Variants in RSPO2 observed in about 807,000 individuals in gnomAD.
RSPO2 encodes R-spondin-2.
A neutral mutation model predicts 30.9 loss-of-function variants in RSPO2; 14 were observed. That is an observed-to-expected ratio of 0.45 (90% CI 0.30 to 0.71). The LOEUF is 0.71. Ranked by LOEUF, RSPO2 falls within the 30% of genes least tolerant of loss-of-function variation. RSPO2 has a pLI of 0.08. For synonymous variants in RSPO2, 107 were observed against 96.4 expected, an observed-to-expected ratio of 1.11 and a Z score of -0.64; for missense variants, 264 against 301.9, an observed-to-expected ratio of 0.87 and a Z score of 0.93.
intron 2 of RSPO2, among the ~76,000 whole-genome samples, chr8:108,047,319 G>C (rs548194820): frequency 6.6e-6 from 1 of 152,294 alleles, no homozygotes; most frequent in East Asian, 1.9e-4. Flanking sequence ...ATATGTCAGA[G>C]GCCATGCCTA....
intron 5 of RSPO2, among the ~76,000 whole-genome samples, chr8:107,946,256 A>C (rs1813054685): frequency 6.6e-6 from 1 of 152,218 alleles, no homozygotes; most frequent in African/African-American, 2.4e-5. Flanking sequence ...CAGAGAGATT[A>C]AGTAAACTTG....
intron 5 of RSPO2, among the ~76,000 whole-genome samples, chr8:107,940,316 AT>A (rs35047086): frequency 0.75 from 113,716 of 151,976 alleles, 42,718 homozygotes; most frequent in East Asian, 0.92. Context: ...TGTGTGTTTT[AT>A]TAACAGACAC....
intron 2 of RSPO2, among the ~76,000 whole-genome samples, chr8:108,023,354 G>GACATTTTTCTCAATGTGGAATTT (rs1811111627): frequency 6.6e-6 from 1 of 152,160 alleles, no homozygotes; most frequent in Non-Finnish European, 1.5e-5. Flanking sequence ...CAAATACAGA[G>GACATTTTTCTCAATGTGGAATTT]CTTAGAAAGC....
chr8:108,051,999 T>TAA (rs904987779), intron 2 of RSPO2, among the ~76,000 whole-genome samples: 4 of 152,198 alleles, frequency 2.6e-5, no homozygotes, highest in African/African-American at 4.8e-5. Flanking sequence ...TATGTATATT[T>TAA]AAGTAGTGAA....
chr8:108,011,134 G>GAAAAAAA (rs66722934), intron 2 of RSPO2, among the ~76,000 whole-genome samples: 15 of 100,438 alleles, frequency 1.5e-4, no homozygotes, highest in Admixed American at 2.4e-4. Context: ...CTCCGTCCCA[G>GAAAAAAA]AAAAAAAAAA....
intron 5 of RSPO2, among the ~76,000 whole-genome samples, chr8:107,942,311 C>T (rs1352903824): frequency 6.6e-6 from 1 of 152,092 alleles, no homozygotes; most frequent in Non-Finnish European, 1.5e-5. Flanking sequence ...TTATTTCAGC[C>T]CATGTTAACA....
At chr8:107,942,436 A>C (rs1586564023) in intron 5 of RSPO2, among the ~76,000 whole-genome samples, 1 of 152,192 alleles carries the variant, frequency 6.6e-6, no homozygotes, top group East Asian at 1.9e-4. Flanking sequence ...AAATTTCAGC[A>C]AGCTTAATTT....
chr8:107,901,883 C>T (rs1811484327), intron 5 of RSPO2, among the ~76,000 whole-genome samples: 1 of 152,096 alleles, frequency 6.6e-6, no homozygotes. Flanking sequence ...CCAAGTATTT[C>T]TCTTCTTTGC....
At chr8:107,922,729 G>GT (rs1404607495) in intron 5 of RSPO2, among the ~76,000 whole-genome samples, 2 of 152,006 alleles carry the variant, frequency 1.3e-5, no homozygotes, top group Non-Finnish European at 2.9e-5. Flanking sequence ...AAACAACATG[G>GT]TACTGGTACA....
At chr8:107,983,382 C>CACAG in intron 3 of RSPO2, 1 of 1,607,468 alleles carries the variant, frequency 6.2e-7, no homozygotes, top group Non-Finnish European at 8.5e-7. Flanking sequence ...CCCAGCAGAA[C>CACAG]ACAGACAAGG....
intron 2 of RSPO2, among the ~76,000 whole-genome samples, chr8:108,066,050 AAAAAAG>A (rs923493265): frequency 1.1e-4 from 16 of 152,208 alleles, no homozygotes; most frequent in African/African-American, 2.4e-4. Context: ...AAAAAAAAGA[AAAAAAG>A]AAAAAGAAAA....
intron 5 of RSPO2, among the ~76,000 whole-genome samples, chr8:107,943,901 G>A (rs530391679): frequency 2.0e-4 from 31 of 152,226 alleles, no homozygotes; most frequent in Middle Eastern, 6.8e-3. Context: ...AGGTTTTGAC[G>A]TAAGATGAAA....
intron 2 of RSPO2, among the ~76,000 whole-genome samples, chr8:107,991,987 A>T (rs1232283762): frequency 1.3e-5 from 2 of 152,186 alleles, no homozygotes; most frequent in Non-Finnish European, 2.9e-5. Flanking sequence ...AATTCCACAA[A>T]AACCTAAAGA....
At chr8:108,011,013 G>A (rs1263315979) in intron 2 of RSPO2, among the ~76,000 whole-genome samples, 2 of 151,482 alleles carry the variant, frequency 1.3e-5, no homozygotes, top group African/African-American at 4.8e-5. Context: ...CACATCTATA[G>A]TCCCAGCTAC....
At chr8:107,924,432 C>T (rs921590381) in intron 5 of RSPO2, among the ~76,000 whole-genome samples, 2 of 151,914 alleles carry the variant, frequency 1.3e-5, no homozygotes, top group African/African-American at 2.4e-5. Flanking sequence ...TTTGAAAGTC[C>T]GTGTATTGTC....
chr8:107,961,162 C>A (rs1246671134), intron 3 of RSPO2, among the ~76,000 whole-genome samples: 1 of 152,206 alleles, frequency 6.6e-6, no homozygotes, highest in East Asian at 1.9e-4. Flanking sequence ...GTATTGAAAT[C>A]TGTCCTGCCC....
At chr8:108,083,068 TC>T (rs149196141) in intron 1 of RSPO2, 128 bp downstream of exon 1, 6,598 of 166,618 alleles carry the variant, frequency 0.04, 496 homozygotes, top group African/African-American at 0.15. Context: ...GTGCCGGCGC[TC>T]CGGGGAAAGG....
chr8:107,954,552 C>T (rs541803677), intron 5 of RSPO2, among the ~76,000 whole-genome samples: 1 of 151,578 alleles, frequency 6.6e-6, no homozygotes, highest in Non-Finnish European at 1.5e-5. Context: ...GTTTCCTATA[C>T]TCAGTGTTCA....
chr8:108,026,779 T>A (rs1470986932), intron 2 of RSPO2, among the ~76,000 whole-genome samples: 1 of 152,004 alleles, frequency 6.6e-6, no homozygotes, highest in African/African-American at 2.4e-5. Context: ...GGCAGGAGAA[T>A]CGCTTGAACC....
Sources: allele counts gnomAD v4.1 joint callset (sites outside exome capture counted in the v4.1 genomes callset), GRCh38; gene constraint gnomAD v4.1.1; transcripts MANE v1.5; gene names NCBI Gene and HGNC (gene_info 2026-07-23, HGNC 2026-07-21).